The following SLC7A14 variants were observed in gnomAD, a reference collection of about 807,000 sequenced individuals.
SLC7A14 encodes gamma-aminobutyric acid transporter SLC7A14.
A neutral mutation model predicts 60.2 loss-of-function variants in SLC7A14; 37 were observed. The observed-to-expected ratio is 0.61, with a 90% CI of 0.47 to 0.81. SLC7A14 has a LOEUF of 0.81. Among genes scored for constraint, SLC7A14 ranks in the 30% least tolerant of loss-of-function variants. SLC7A14 has a pLI of 0.00. For missense variants in SLC7A14, 886 were observed against 982.7 expected (o/e 0.90, Z 1.32); for synonymous variants, 399 against 395.8 (o/e 1.01, Z -0.10).
intron 4 of SLC7A14, chr3:170,496,349 G>T (rs1560257893): frequency 7.6e-7 from 1 of 1,309,500 alleles, no homozygotes; most frequent in African/African-American, 1.4e-5. Flanking sequence ...CAAAGACTTA[G>T]ATCTCCGAGA....
chr3:170,576,248 G>A (rs1715087024), intron 1 of SLC7A14, among the ~76,000 whole-genome samples: 2 of 152,214 alleles, frequency 1.3e-5, no homozygotes, highest in African/African-American at 4.8e-5. Flanking sequence ...CTGGTGACTT[G>A]AGGCAGGGAT....
intron 3 of SLC7A14, among the ~76,000 whole-genome samples, chr3:170,500,092 T>G (rs1712556177): frequency 6.6e-6 from 1 of 152,068 alleles, no homozygotes; most frequent in South Asian, 2.1e-4. Context: ...GAGGCAAGAT[T>G]CCAGAGCTTC....
intron 5 of SLC7A14, 140 bp downstream of exon 5, chr3:170,486,082 A>ATGGGGAG (rs1712018444): frequency 9.1e-7 from 1 of 1,097,094 alleles, no homozygotes; most frequent in African/African-American, 1.6e-5. Flanking sequence ...TTTTCTTGTC[A>ATGGGGAG]TGGGGAGTGG....
chr3:170,568,783 G>A (rs951747145), intron 1 of SLC7A14, among the ~76,000 whole-genome samples: 1 of 152,160 alleles, frequency 6.6e-6, no homozygotes, highest in Non-Finnish European at 1.5e-5. Context: ...TTGTGAATGG[G>A]AGTTCACTCA....
intron 2 of SLC7A14, among the ~76,000 whole-genome samples, chr3:170,517,357 C>T (rs769146021): frequency 6.6e-6 from 1 of 152,140 alleles, no homozygotes; most frequent in Non-Finnish European, 1.5e-5. Context: ...CCTTCCTGTC[C>T]TCACAATATT....
intron 1 of SLC7A14, among the ~76,000 whole-genome samples, chr3:170,563,606 AG>A (rs1275603261): frequency 6.6e-6 from 1 of 151,716 alleles, no homozygotes; most frequent in African/African-American, 2.4e-5. Context: ...TTTTTAGTAG[AG>A]ACAGGGTTTC....
At chr3:170,575,352 C>T (rs1715061174) in intron 1 of SLC7A14, among the ~76,000 whole-genome samples, 1 of 152,178 alleles carries the variant, frequency 6.6e-6, no homozygotes, top group Non-Finnish European at 1.5e-5. Flanking sequence ...TCCATAATCT[C>T]TGGCAGTTTG....
rs921628857 is a variant in SLC7A14, at chr3:170,568,508, C to T, written c.-153+17403G>A. Among the ~76,000 whole-genome samples, 154 of 152,262 alleles carry T rather than the reference C, an allele frequency of 1.0e-3. 1 individual carries two copies. The highest frequency in any genetic ancestry group is 3.5e-3 in the African/African-American group (146 of 41,540). ...GGCGATGTGGGCTCTTTTTTGGTTC[C>T]ATATGAACTTTAAAGTAGTTTTTTC... On this transcript the variant is annotated intron_variant, in intron 1 of 7. Coordinates refer to ENST00000231706, the MANE Select transcript of SLC7A14 (RefSeq NM_020949.3).
chr3:170,500,053 C>T lies in SLC7A14; in HGVS notation c.541+1056G>A, dbSNP rs371716554. Among the ~76,000 whole-genome samples, 33 of 152,310 alleles carry T rather than the reference C, an allele frequency of 2.2e-4. No individual in the cohort carries two copies. In the East Asian group the frequency reaches 5.0e-3, roughly 23 times the overall value. ...AATATCGAAGTTAGATGACTTGACA[C>T]AGCCACAGAATCATTCCTTGGAAGT... On this transcript the variant is annotated intron_variant, in intron 3 of 7. Transcript: ENST00000231706.
rs553052631 is a variant in SLC7A14 at position 170,501,040 on chromosome 3, G to T, written c.541+69C>A. 101 of 1,506,000 alleles carry T rather than the reference G, an allele frequency of 6.7e-5. 1 individual carries two copies. In the African/African-American group the frequency reaches 1.1e-3, roughly 16 times the overall value. The allele number at this position is 1,506,000 out of a possible 1,614,324, so 93.3% of individuals were successfully genotyped here. ...GATACATTTTGCCAAATTGCTTTCT[G>T]AAAGGAGAACTCATTTATGTGGCTT... On this transcript the variant is annotated intron_variant, in intron 3 of 7. Coordinates refer to ENST00000231706, the MANE Select transcript of SLC7A14 (RefSeq NM_020949.3).
At chr3:170,537,990 C>T (rs1212121861) in intron 1 of SLC7A14, among the ~76,000 whole-genome samples, 3 of 152,152 alleles carry the variant, frequency 2.0e-5, no homozygotes, top group Non-Finnish European at 4.4e-5. Context: ...GAAAGATGAC[C>T]TAATCTTGAA....
At position 170,463,896 on chromosome 3, in the gene SLC7A14, G is replaced by A. The variant is rs1411573183; in HGVS notation, c.*3159C>T. 6.6e-6 allele frequency: 1 copy of A among 152,172 alleles called. No homozygotes were observed. Among genetic ancestry groups the A allele is most frequent in the East Asian group, 1.9e-4 (1 of 5,198 alleles). 9.4% of individuals were successfully genotyped at this position (152,172 alleles called of 1,614,324 possible). On this transcript the variant is annotated 3_prime_UTR_variant, in exon 8 of 8. Transcript: ENST00000231706. ...AAATCTAGGTTTGAAGCTTACCTGT[G>A]GATTTTAATGATCTATGCTATTTCA... is the stretch of plus-strand genomic sequence containing the variant.
chr3:170,549,467 G>T (rs139938189), intron 1 of SLC7A14, among the ~76,000 whole-genome samples: 51 of 152,214 alleles, frequency 3.4e-4, no homozygotes, highest in African/African-American at 1.1e-3. Flanking sequence ...ACCCGCCTCG[G>T]CCTCCCAAAG....
chr3:170,582,668 TAAGAAGCC>T (rs1345024586), intron 1 of SLC7A14, among the ~76,000 whole-genome samples: 1 of 152,172 alleles, frequency 6.6e-6, no homozygotes, highest in Non-Finnish European at 1.5e-5. Flanking sequence ...ACATTATCAA[TAAGAAGCC>T]ATATGGGAAT....
intron 2 of SLC7A14, among the ~76,000 whole-genome samples, chr3:170,526,075 T>TAA (rs200076518): frequency 3.9e-5 from 5 of 127,556 alleles, no homozygotes; most frequent in Admixed American, 8.3e-5. Context: ...AGACTCTGTT[T>TAA]AAAAAAAAAA....
At chr3:170,577,385 G>T (rs545923224) in intron 1 of SLC7A14, among the ~76,000 whole-genome samples, 47 of 151,938 alleles carry the variant, frequency 3.1e-4, no homozygotes, top group Non-Finnish European at 6.5e-4. Flanking sequence ...TTGGGAGGCC[G>T]AGGCGGGTGG....
chr3:170,560,563 T>C (rs7652061), intron 1 of SLC7A14, among the ~76,000 whole-genome samples: 115,586 of 152,110 alleles, frequency 0.76, 44,144 homozygotes, highest in African/African-American at 0.84. Flanking sequence ...ATTATTTAAG[T>C]AGCAATTTTA....
chr3:170,485,293 G>A (rs958656973), intron 5 of SLC7A14, among the ~76,000 whole-genome samples: 1 of 152,204 alleles, frequency 6.6e-6, no homozygotes, highest in African/African-American at 2.4e-5. Flanking sequence ...CCTGTTTGCA[G>A]CTTGCCTTAA....
chr3:170,522,817 C>A (rs954757939), intron 2 of SLC7A14, among the ~76,000 whole-genome samples: 5 of 152,158 alleles, frequency 3.3e-5, no homozygotes. Flanking sequence ...TAAAACTGAA[C>A]TCCAACATCC....
Sources: allele counts gnomAD v4.1 joint callset (sites outside exome capture counted in the v4.1 genomes callset), GRCh38; gene constraint gnomAD v4.1.1; transcripts MANE v1.5; gene names NCBI Gene and HGNC (gene_info 2026-07-23, HGNC 2026-07-21).